The following KIF6 variants were observed in gnomAD, a reference collection of about 807,000 sequenced individuals.
KIF6 encodes the protein kinesin family member 6.
KIF6 carries 106 observed loss-of-function variants against 112.7 expected under a neutral mutation model. The observed-to-expected ratio is 0.94, with a 90% CI of 0.80 to 1.11. The LOEUF is 1.11. Among genes scored for constraint, KIF6 ranks in the 50% least tolerant of loss-of-function variants. KIF6 has a pLI of 0.00. For missense variants in KIF6, 929 were observed against 964.0 expected (o/e 0.96, Z 0.48); for synonymous variants, 339 against 339.9 (o/e 1.00, Z 0.03).
intron 13 of KIF6, among the ~76,000 whole-genome samples, chr6:39,466,230 C>T (rs1275073585): frequency 6.6e-6 from 1 of 152,094 alleles, no homozygotes; most frequent in Non-Finnish European, 1.5e-5. Flanking sequence ...AACTTTCCTC[C>T]CCCCTTCCTC....
intron 8 of KIF6, among the ~76,000 whole-genome samples, chr6:39,585,211 T>C (rs965403410): frequency 1.1e-4 from 17 of 152,204 alleles, no homozygotes; most frequent in African/African-American, 1.2e-4. Flanking sequence ...AATTTTTCCA[T>C]GGACAGAGGG....
At chr6:39,713,348 T>C (rs1789664697) in intron 3 of KIF6, among the ~76,000 whole-genome samples, 2 of 152,212 alleles carry the variant, frequency 1.3e-5, no homozygotes, top group Admixed American at 1.3e-4. Flanking sequence ...GAAGTCATAG[T>C]TGACTTTGAC....
intron 3 of KIF6, among the ~76,000 whole-genome samples, chr6:39,642,025 T>C (rs1784929172): frequency 6.6e-6 from 1 of 152,160 alleles, no homozygotes; most frequent in African/African-American, 2.4e-5. Context: ...AGGCAAAATT[T>C]GTCTCCAGTC....
chr6:39,404,868 T>C (rs1309563837), intron 15 of KIF6, among the ~76,000 whole-genome samples: 1 of 151,808 alleles, frequency 6.6e-6, no homozygotes, highest in East Asian at 1.9e-4. Flanking sequence ...TGGGTTTCAA[T>C]GTAGAGATCT....
At chr6:39,595,829 A>G (rs1445454386) in intron 7 of KIF6, among the ~76,000 whole-genome samples, 25 of 152,188 alleles carry the variant, frequency 1.6e-4, no homozygotes, top group Admixed American at 1.4e-3. Context: ...ATTCTGTCTG[A>G]TATTATAAAA....
At chr6:39,567,451 A>G (rs1308438710) in intron 10 of KIF6, among the ~76,000 whole-genome samples, 2 of 152,222 alleles carry the variant, frequency 1.3e-5, no homozygotes, top group Non-Finnish European at 2.9e-5. Context: ...CTATTCATAT[A>G]AAAGTTCCCT....
intron 19 of KIF6, among the ~76,000 whole-genome samples, chr6:39,352,908 T>C (rs765030654): frequency 5.9e-5 from 9 of 152,220 alleles, no homozygotes; most frequent in Non-Finnish European, 1.3e-4. Context: ...CCAGACTTGA[T>C]AGCTGAATAA....
In KIF6 at chr6:39,389,990, C is replaced by T. The variant is rs765735234; in HGVS notation, c.1811-4318G>A. On this transcript the variant is annotated intron_variant, in intron 15 of 22. Coordinates refer to ENST00000287152, the MANE Select transcript of KIF6 (RefSeq NM_145027.6). ...AGGTTGCAATGAGCCAAGATCGCGCCGCTGCACTCCAGCCTGGGCAACAGA... is the reference window on the plus strand; with the variant it reads ...AGGTTGCAATGAGCCAAGATCGCGCTGCTGCACTCCAGCCTGGGCAACAGA... 5.8e-4 allele frequency among the ~76,000 whole-genome samples: 85 copies of T among 145,370 alleles called. 1 individual carries two copies. The highest frequency in any genetic ancestry group is 9.9e-4 in the Non-Finnish European group (67 of 67,366).
At chr6:39,630,386 T>C (rs1439030913) in intron 5 of KIF6, among the ~76,000 whole-genome samples, 1 of 152,086 alleles carries the variant, frequency 6.6e-6, no homozygotes, top group Admixed American at 6.6e-5. Context: ...GTTTTCCTCA[T>C]ATAGATCTTG....
chr6:39,465,726 C>T (rs535807020), intron 13 of KIF6, among the ~76,000 whole-genome samples: 7 of 152,296 alleles, frequency 4.6e-5, no homozygotes, highest in African/African-American at 9.6e-5. Flanking sequence ...CCCTACCCTA[C>T]GACTTTTCTT....
At chr6:39,584,459 A>AAAAAATAC (rs1561836472) in intron 9 of KIF6, among the ~76,000 whole-genome samples, 1 of 128,594 alleles carries the variant, frequency 7.8e-6, no homozygotes, top group Non-Finnish European at 1.7e-5. Flanking sequence ...AAAAAAAAAA[A>AAAAAATAC]AGACTATTAT....
At chr6:39,657,074 T>C (rs1785833946) in intron 3 of KIF6, among the ~76,000 whole-genome samples, 1 of 151,590 alleles carries the variant, frequency 6.6e-6, no homozygotes, top group African/African-American at 2.4e-5. Flanking sequence ...CTACTAAAAA[T>C]ACAAAAAAAT....
At position 39,540,086 on chromosome 6, in the gene KIF6, C is replaced by T. The variant is rs1168977186; in HGVS notation, c.1562G>A (p.Arg521Lys). Residue 521 changes from arginine to lysine, a missense_variant, in exon 13 of 23, where the codon AGA becomes AAA. Physicochemically the swap from Arg to Lys is conservative, Grantham distance 26. This residue lies in a region of KIF6 where 688 missense variants were observed against 662.7 expected (regional missense o/e 1.04). Transcript: ENST00000287152. ...FRLGNPEEGQ[R>K]MRLSSAPSQA... is the part of the protein sequence containing the mutation. The stretch of plus-strand genomic sequence containing the variant: ...TGAGGGAGCTGAGGATAGTCGCATT[C>T]TTTGACCTTCTTCTGGGTTTCCTAG... The T allele has an allele frequency of 6.2e-7, 1 of 1,614,056 alleles. No individual in the cohort carries two copies. The highest frequency in any genetic ancestry group is 1.3e-5 in the African/African-American group (1 of 74,918).
chr6:39,627,323 T>C lies in KIF6; in HGVS notation c.509+7526A>G, dbSNP rs918892065. ...TGTGATTTCTTTCTCCTGTGAGCTCTTGTCATTTTTTTTGGCTCTCTTACA... is the reference window on the plus strand; with the variant it reads ...TGTGATTTCTTTCTCCTGTGAGCTCCTGTCATTTTTTTTGGCTCTCTTACA... On this transcript the variant is annotated intron_variant, in intron 5 of 22. Transcript: ENST00000287152. Among the ~76,000 whole-genome samples the C allele has an allele frequency of 1.4e-4, 22 of 152,292 alleles. No homozygotes were observed. In the Middle Eastern group the frequency reaches 0.014, roughly 94 times the overall value.
In KIF6 at chr6:39,631,724, TG is replaced by T. The variant is rs1784363261; in HGVS notation, c.509+3124del. ...TCTGTAGTTTTTTTTTTTGTTTTTTTGTTTTTTTTGTACAATCTTTGCCCAG... is the reference window on the plus strand; with the variant it reads ...TCTGTAGTTTTTTTTTTTGTTTTTTTTTTTTTTTGTACAATCTTTGCCCAG... On this transcript the variant is annotated intron_variant, in intron 5 of 22. Transcript: ENST00000287152. Among the ~76,000 whole-genome samples, 3 of 148,888 alleles carry T rather than the reference TG, an allele frequency of 2.0e-5. No homozygotes were observed. The South Asian group carries it at 6.2e-4, about 31-fold the overall frequency.
intron 13 of KIF6, among the ~76,000 whole-genome samples, chr6:39,536,031 A>C (rs2150553923): frequency 6.6e-6 from 1 of 151,908 alleles, no homozygotes; most frequent in Non-Finnish European, 1.5e-5. Flanking sequence ...CAAAGACACA[A>C]CATACCAGAA....
At chr6:39,390,501 T>C (rs1038038205) in intron 15 of KIF6, among the ~76,000 whole-genome samples, 8 of 152,190 alleles carry the variant, frequency 5.3e-5, no homozygotes, top group African/African-American at 1.7e-4. Context: ...GGGACAATAA[T>C]GCAGAGGCCA....
At chr6:39,523,706 T>C (rs1322131159) in intron 13 of KIF6, among the ~76,000 whole-genome samples, 1 of 136,002 alleles carries the variant, frequency 7.4e-6, no homozygotes, top group African/African-American at 2.8e-5. Context: ...ATGATTACTC[T>C]TTGAAGATGT....
intron 15 of KIF6, among the ~76,000 whole-genome samples, chr6:39,403,487 C>G (rs1009106772): frequency 2.6e-5 from 4 of 152,228 alleles, no homozygotes. Context: ...TATTTACCAG[C>G]AGTCTGCTCT....
Sources: allele counts gnomAD v4.1 joint callset (sites outside exome capture counted in the v4.1 genomes callset), GRCh38; gene constraint gnomAD v4.1.1; regional missense constraint gnomAD v4.1.1; transcripts MANE v1.5; gene names NCBI Gene and HGNC (gene_info 2026-07-23, HGNC 2026-07-21).